Variants in STOX2 observed in about 807,000 individuals in gnomAD.
STOX2 encodes storkhead-box protein 2.
Under a neutral mutation model 60.9 loss-of-function variants are expected in STOX2, and 28 were observed. That is an observed-to-expected ratio of 0.46 (90% CI 0.34 to 0.63). The LOEUF is 0.63. Among genes scored for constraint, STOX2 ranks in the 30% least tolerant of loss-of-function variants. The pLI is 0.01. For missense variants in STOX2, 1,024 were observed against 1,187.7 expected, an observed-to-expected ratio of 0.86 and a Z score of 2.03; for synonymous variants, 472 against 463.9, an observed-to-expected ratio of 1.02 and a Z score of -0.22.
chr4:183,856,975 G>A lies in STOX2; in HGVS notation c.364+58920G>A, dbSNP rs1388120619. Among the ~76,000 whole-genome samples the A allele has an allele frequency of 6.6e-6, 1 of 152,166 alleles. No homozygotes were observed. The highest frequency in any genetic ancestry group is 1.5e-5 in the Non-Finnish European group (1 of 68,020). ...AGGGAGGGAGATGAGTGGATAATTA[G>A]ATTAAATTGTGTGGTAGAGGCTGGG... On this transcript the variant is annotated intron_variant, in intron 1 of 2. Coordinates refer to the STOX2 transcript ENST00000513034. The surrounding 1 kb of genome is among the most constrained non-coding windows in gnomAD (Gnocchi z 4.0).
intron 3 of STOX2, among the ~76,000 whole-genome samples, chr4:184,013,505 C>A (rs2111255870): frequency 6.6e-6 from 1 of 152,318 alleles, no homozygotes; most frequent in African/African-American, 2.4e-5. Context: ...ATTTTCTCTA[C>A]ATGAAAACGT....
At chr4:183,994,124 C>G (rs150514689) in intron 1 of STOX2, among the ~76,000 whole-genome samples, 1 of 152,294 alleles carries the variant, frequency 6.6e-6, no homozygotes, top group South Asian at 2.1e-4. Flanking sequence ...GTGATTTCCC[C>G]AAGCCCAAGG....
chr4:183,951,187 C>G (rs1235720868), intron 1 of STOX2, among the ~76,000 whole-genome samples: 28 of 149,606 alleles, frequency 1.9e-4, no homozygotes, highest in Non-Finnish European at 2.8e-4. Context: ...TGCACTCCAG[C>G]CTGGGCGACA....
rs1456662616 is a variant in STOX2 at position 184,020,278 on chromosome 4, AGATGTAATC to A, written c.*2995_*3003del. ...TCTCTTACGCCGCTGTTTGGCTTTCAGATGTAATCCTGTCTTCTCCTCTCTTCCCCACGA... is the reference window on the plus strand; with the variant it reads ...TCTCTTACGCCGCTGTTTGGCTTTCACTGTCTTCTCCTCTCTTCCCCACGA... On this transcript the variant is annotated 3_prime_UTR_variant, in exon 4 of 4. Transcript: ENST00000308497. 6.6e-6 allele frequency: 1 copy of A among 152,104 alleles called. No individual in the cohort carries two copies. The highest frequency in any genetic ancestry group is 6.5e-5 in the Admixed American group (1 of 15,272). The allele number at this position is 152,104 out of a possible 1,614,324, so 9.4% of individuals were successfully genotyped here.
At chr4:183,905,073 G>T (rs908988687), upstream of STOX2, among the ~76,000 whole-genome samples, 3 of 152,214 alleles carry the variant, frequency 2.0e-5, no homozygotes, top group African/African-American at 7.2e-5. Flanking sequence ...GTTGTTTACT[G>T]TACCAAAGCA....
At chr4:183,832,389 G>C (rs1050681122) in intron 1 of STOX2, among the ~76,000 whole-genome samples, 1 of 151,422 alleles carries the variant, frequency 6.6e-6, no homozygotes, top group Admixed American at 6.6e-5. Flanking sequence ...TGTTAGAGAA[G>C]ACTCTTGAAA....
intron 1 of STOX2, among the ~76,000 whole-genome samples, chr4:183,819,697 A>G (rs1739262120): frequency 6.6e-6 from 1 of 152,134 alleles, no homozygotes; most frequent in Admixed American, 6.5e-5. Context: ...CTTCAGGTGA[A>G]ATGAAAGGAG....
intron 1 of STOX2, among the ~76,000 whole-genome samples, chr4:183,930,698 GT>G (rs1318040703): frequency 6.6e-6 from 1 of 152,134 alleles, no homozygotes; most frequent in Admixed American, 6.6e-5. Context: ...TCAATATTCT[GT>G]TCTAAAGCTT....
At chr4:183,863,957 G>A (rs1217260537) in intron 1 of STOX2, among the ~76,000 whole-genome samples, 1 of 152,188 alleles carries the variant, frequency 6.6e-6, no homozygotes, top group East Asian at 1.9e-4. Flanking sequence ...AGAATGTTCA[G>A]ACCTCTTAGC....
chr4:183,955,410 C>T (rs908640849), intron 1 of STOX2, among the ~76,000 whole-genome samples: 7 of 152,180 alleles, frequency 4.6e-5, no homozygotes, highest in Non-Finnish European at 1.0e-4. Context: ...CCCCAGTGCT[C>T]ATCAGAAGTG....
chr4:183,991,338 G>C (rs1733095150), intron 1 of STOX2, among the ~76,000 whole-genome samples: 1 of 152,086 alleles, frequency 6.6e-6, no homozygotes, highest in Non-Finnish European at 1.5e-5. Flanking sequence ...TTTTTAAAAA[G>C]GCTTATTTTT....
chr4:183,951,202 G>C lies in STOX2; in HGVS notation c.166+44246G>C, dbSNP rs111518122. Among the ~76,000 whole-genome samples the C allele has an allele frequency of 1.6e-3, 227 of 144,676 alleles. 2 individuals carry two copies. Among genetic ancestry groups the C allele is most frequent in the East Asian group, 6.2e-4 (3 of 4,818 alleles). 94.9% of individuals were successfully genotyped at this position (144,676 alleles called of 152,430 possible). On this transcript the variant is annotated intron_variant, in intron 1 of 3. Coordinates refer to ENST00000308497, the MANE Select transcript of STOX2 (RefSeq NM_020225.3). ...TGCACTCCAGCCTGGGCGACAGAGC[G>C]AGACTCCGTCTCAAAAAAAAAGAAA...
chr4:183,988,582 A>C (rs1179631479), intron 1 of STOX2: 1 of 152,502 alleles, frequency 6.6e-6, no homozygotes, highest in African/African-American at 2.4e-5. Flanking sequence ...TAAAAAGTAG[A>C]TCTACGAAGG....
At position 183,956,931 on chromosome 4, in the gene STOX2, G is replaced by A. The variant is rs1253455534; in HGVS notation, c.167-44394G>A. On this transcript the variant is annotated intron_variant, in intron 1 of 3. Coordinates refer to ENST00000308497, the MANE Select transcript of STOX2 (RefSeq NM_020225.3). ...TTCTCCATGGTTAGATTTAGATTAA[G>A]CATTTTTTTGCAAGAATACTGTGTA... is the stretch of plus-strand genomic sequence containing the variant. 4.2e-5 allele frequency among the ~76,000 whole-genome samples: 6 copies of A among 143,664 alleles called. No individual in the cohort carries two copies. In the South Asian group the frequency reaches 1.3e-3, roughly 32 times the overall value. 94.2% of individuals were successfully genotyped at this position (143,664 alleles called of 152,430 possible). A position where few individuals can be genotyped will look rare whatever the true frequency, so the allele number is the denominator to read the frequency against.
At chr4:183,843,159 AAAAAGAAAAAG>A (rs1227274301) in intron 1 of STOX2, among the ~76,000 whole-genome samples, 37 of 148,466 alleles carry the variant, frequency 2.5e-4, no homozygotes, top group African/African-American at 8.0e-4. Context: ...AAAAAAAAAA[AAAAAGAAAAAG>A]AAAAAGAAAA....
rs1365890532 is a variant in STOX2, at chr4:184,011,803, G to A, written c.2585+380G>A. On this transcript the variant is annotated intron_variant, in intron 3 of 3. Transcript: ENST00000308497. The surrounding 1 kb of genome is among the most constrained non-coding windows in gnomAD (Gnocchi z 4.4). ...GAGTAGAATAAATAGTCTGGGGGCG[G>A]GGGAGGAAGATAGGGGTTGGGAGTA... 1.3e-5 allele frequency among the ~76,000 whole-genome samples: 2 copies of A among 152,148 alleles called. No individual in the cohort carries two copies. Among genetic ancestry groups the A allele is most frequent in the Non-Finnish European group, 2.9e-5 (2 of 68,032 alleles).
In STOX2 at chr4:183,906,606, T is replaced by TG; in HGVS notation, c.-180dup. 1 of 578,740 alleles carries TG rather than the reference T, an allele frequency of 1.7e-6. No individual in the cohort carries two copies. Among genetic ancestry groups the TG allele is most frequent in the Admixed American group, 3.3e-5 (1 of 30,196 alleles). 35.9% of individuals were successfully genotyped at this position (578,740 alleles called of 1,614,324 possible). On this transcript the variant is annotated 5_prime_UTR_variant, in exon 1 of 4. The change abolishes the stop of an existing upstream ORF in the 5' untranslated region. Transcript: ENST00000308497. ...GTGTGTAAAATCGGAGCCTTCGCCG[T>TG]GGGGGTGTGGGGGGGCGTGGGGAGG... is the stretch of plus-strand genomic sequence containing the variant.
At chr4:183,985,867 A>G (rs1387858711) in intron 1 of STOX2, among the ~76,000 whole-genome samples, 1 of 152,218 alleles carries the variant, frequency 6.6e-6, no homozygotes, top group Admixed American at 6.5e-5. Flanking sequence ...TGTGCTTATT[A>G]GGCACCCTGT....
At chr4:183,972,573 A>T (rs1743776114) in intron 1 of STOX2, among the ~76,000 whole-genome samples, 1 of 152,214 alleles carries the variant, frequency 6.6e-6, no homozygotes, top group Non-Finnish European at 1.5e-5. Flanking sequence ...GACAGATCCA[A>T]ATAGCACTGC....
Sources: allele counts gnomAD v4.1 joint callset (sites outside exome capture counted in the v4.1 genomes callset), GRCh38; gene constraint gnomAD v4.1.1; non-coding constraint Gnocchi (gnomAD v3.1); transcripts MANE v1.5; gene names NCBI Gene and HGNC (gene_info 2026-07-23, HGNC 2026-07-21).